CHLSN: variants seen among roughly 807,000 people sequenced by gnomAD.
The protein encoded by CHLSN is cholesin.
chr7:1,066,313 G>A, the CHLSN span, among the ~76,000 whole-genome samples: 7 of 152,216 alleles, frequency 4.6e-5, no homozygotes, highest in East Asian at 1.9e-4. Flanking sequence ...GGGCTCCTAC[G>A]GGACCCCCAC....
the CHLSN span, among the ~76,000 whole-genome samples, chr7:992,182 C>T: frequency 6.6e-6 from 1 of 151,170 alleles, no homozygotes; most frequent in Admixed American, 6.6e-5. Flanking sequence ...CGACCCCGGC[C>T]CCTGTACCCC....
At chr7:1,104,057 C>T in the CHLSN span, among the ~76,000 whole-genome samples, 1 of 152,370 alleles carries the variant, frequency 6.6e-6, no homozygotes, top group South Asian at 2.1e-4. Context: ...CCAGGCTCTG[C>T]CATGGCACCC....
chr7:1,070,653 ACACATGCACG>A, the CHLSN span, among the ~76,000 whole-genome samples: 2 of 150,570 alleles, frequency 1.3e-5, no homozygotes, highest in Non-Finnish European at 1.5e-5. Context: ...ACACATGCAC[ACACATGCACG>A]CACATACGCA....
the CHLSN span, chr7:984,590 G>T: frequency 1.3e-6 from 2 of 1,554,900 alleles, no homozygotes; most frequent in Non-Finnish European, 1.7e-6. Flanking sequence ...TGTGTGGCCG[G>T]CGCTACGGGG....
At chr7:1,052,211 G>A in the CHLSN span, among the ~76,000 whole-genome samples, 1 of 152,266 alleles carries the variant, frequency 6.6e-6, no homozygotes, top group Non-Finnish European at 1.5e-5. The surrounding 1 kb of genome is among the most constrained non-coding windows in gnomAD (Gnocchi z 4.2). Flanking sequence ...TCCAGGCTGA[G>A]TGGGTGAGGA....
the CHLSN span, among the ~76,000 whole-genome samples, chr7:1,054,841 C>T: frequency 6.6e-6 from 1 of 152,274 alleles, no homozygotes; most frequent in Non-Finnish European, 1.5e-5. Flanking sequence ...TGCTTCCGAC[C>T]TGAACCTGCC....
the CHLSN span, among the ~76,000 whole-genome samples, chr7:992,819 C>T: frequency 6.6e-6 from 1 of 152,194 alleles, no homozygotes; most frequent in South Asian, 2.1e-4. Context: ...GGGACTTGGA[C>T]AGCTCAGCCT....
chr7:1,016,494 C>G, the CHLSN span, among the ~76,000 whole-genome samples: 1 of 138,076 alleles, frequency 7.2e-6, no homozygotes, highest in Non-Finnish European at 1.6e-5. Context: ...CACACAGCAG[C>G]GCACAGCAGC....
chr7:1,065,871 T>A, the CHLSN span, among the ~76,000 whole-genome samples: 1 of 152,188 alleles, frequency 6.6e-6, no homozygotes, highest in Non-Finnish European at 1.5e-5. Flanking sequence ...TACTCCGCGA[T>A]CCAAAGGCAG....
At chr7:1,087,945 C>T in the CHLSN span, 3 of 152,324 alleles carry the variant, frequency 2.0e-5, no homozygotes, top group Admixed American at 6.5e-5. Context: ...TCCACAAAAA[C>T]AAGTCTAGTA....
chr7:1,127,569 G>A, the CHLSN span, among the ~76,000 whole-genome samples: 1 of 149,438 alleles, frequency 6.7e-6, no homozygotes, highest in African/African-American at 2.5e-5. Flanking sequence ...CAACCAACTT[G>A]ACACATTTTG....
the CHLSN span, among the ~76,000 whole-genome samples, chr7:1,068,078 CA>C: frequency 6.6e-6 from 1 of 152,162 alleles, no homozygotes; most frequent in Non-Finnish European, 1.5e-5. Context: ...GCTCCTCTCC[CA>C]GTAAGGTCCG....
chr7:1,059,606 G>A, the CHLSN span, among the ~76,000 whole-genome samples: 1 of 132,376 alleles, frequency 7.6e-6, no homozygotes, highest in East Asian at 2.3e-4. Flanking sequence ...AGTGGGGCGG[G>A]TCAGTAGGTG....
the CHLSN span, among the ~76,000 whole-genome samples, chr7:1,019,203 A>G: frequency 1.1e-5 from 1 of 87,084 alleles, no homozygotes; most frequent in African/African-American, 4.7e-5. Context: ...CAAAAAAAAA[A>G]AAAAAAAACG....
chr7:1,115,910 G>A, the CHLSN span, among the ~76,000 whole-genome samples: 1 of 115,808 alleles, frequency 8.6e-6, no homozygotes, highest in African/African-American at 3.1e-5. Context: ...CGCCCACGCA[G>A]GATGACATCA....
the CHLSN span, among the ~76,000 whole-genome samples, chr7:1,123,792 A>C: frequency 6.6e-6 from 1 of 151,870 alleles, no homozygotes; most frequent in African/African-American, 2.4e-5. This position sits in a 1 kb window ranked among gnomAD's most constrained non-coding sequence, Gnocchi z 4.4. Flanking sequence ...TGCAGTTTGC[A>C]GAGAATCCAG....
the CHLSN span, among the ~76,000 whole-genome samples, chr7:1,007,422 C>T: frequency 1.3e-5 from 2 of 152,366 alleles, no homozygotes; most frequent in South Asian, 4.1e-4. Flanking sequence ...CAGCAGCCCC[C>T]AGGCTGAGGA....
chr7:1,007,972 G>A, the CHLSN span, among the ~76,000 whole-genome samples: 2 of 152,134 alleles, frequency 1.3e-5, no homozygotes, highest in Non-Finnish European at 2.9e-5. Flanking sequence ...TCCTGCCCAC[G>A]TCCCCAACGT....
the CHLSN span, among the ~76,000 whole-genome samples, chr7:1,039,354 G>C: frequency 3.9e-4 from 21 of 53,852 alleles, no homozygotes; most frequent in Non-Finnish European, 5.6e-4. Flanking sequence ...CGCCCCGTCC[G>C]GGAGGGAGGT....
Sources: allele counts gnomAD v4.1 joint callset (sites outside exome capture counted in the v4.1 genomes callset), GRCh38; gene constraint gnomAD v4.1.1; non-coding constraint Gnocchi (gnomAD v3.1); transcripts MANE v1.5; gene names NCBI Gene and HGNC (gene_info 2026-07-23, HGNC 2026-07-21).